PCBP2: variants seen among roughly 807,000 people sequenced by gnomAD.
PCBP2 encodes poly(rC) binding protein 2.
In PCBP2, 4 loss-of-function variants were observed where a neutral mutation model predicts 50.1. The ratio of observed to expected loss-of-function variants is 0.08; its 90% CI spans 0.04 to 0.18. The LOEUF (loss-of-function observed/expected upper bound fraction) is 0.18. Among genes scored for constraint, PCBP2 ranks in the 10% least tolerant of loss-of-function variants. The pLI, the probability that PCBP2 is intolerant of heterozygous loss-of-function variation, is 1.00. For missense variants in PCBP2, 161 were observed against 474.3 expected, an observed-to-expected ratio of 0.34 and a Z score of 6.14; for synonymous variants, 179 against 168.0, an observed-to-expected ratio of 1.07 and a Z score of -0.51.
At chr12:53,464,146 C>T (rs536991458) in intron 8 of PCBP2, among the ~76,000 whole-genome samples, 1 of 152,252 alleles carries the variant, frequency 6.6e-6, no homozygotes, top group Admixed American at 6.5e-5. Context: ...TTTTCTTTCC[C>T]AGGAACTCCA....
At position 53,480,037 on chromosome 12, in the gene PCBP2, A is replaced by G. The variant is rs1217130661; in HGVS notation, c.*595A>G. 6.6e-6 allele frequency: 1 copy of G among 152,028 alleles called. No homozygotes were observed. Among genetic ancestry groups the G allele is most frequent in the East Asian group, 1.9e-4 (1 of 5,200 alleles). The allele number at this position is 152,028 out of a possible 1,614,324, so 9.4% of individuals were successfully genotyped here. Reference sequence around the variant, plus strand: ...TTGGCCCTTATAAAACTTGTGCCCAAAAGATTGAGGATTAGACTTTCCGAG... The same window carrying G: ...TTGGCCCTTATAAAACTTGTGCCCAGAAGATTGAGGATTAGACTTTCCGAG... On this transcript the variant is annotated 3_prime_UTR_variant, in exon 15 of 15. Transcript: ENST00000546463.
At chr12:53,459,231 T>G (rs1050493852) in intron 5 of PCBP2, 41 bp from the exon 6 acceptor site, 2 of 1,534,914 alleles carry the variant, frequency 1.3e-6, no homozygotes, top group Middle Eastern at 2.3e-4. Context: ...AGTTACTAGT[T>G]TCCAGGGATC....
At chr12:53,457,937 G>A (rs1459522061) in intron 5 of PCBP2, among the ~76,000 whole-genome samples, 1 of 151,636 alleles carries the variant, frequency 6.6e-6, no homozygotes, top group Non-Finnish European at 1.5e-5. Flanking sequence ...TGTTTTTTTT[G>A]TTTGTTTTGA....
rs528808026 is a variant in PCBP2, at chr12:53,460,283, G to T, written c.376-732G>T. 1.4e-5 allele frequency: 4 copies of T among 285,120 alleles called. No individual in the cohort carries two copies. The East Asian group carries it at 4.6e-4, about 33-fold the overall frequency. The allele number at this position is 285,120 out of a possible 1,614,324, so 17.7% of individuals were successfully genotyped here. On this transcript the variant is annotated intron_variant, in intron 6 of 14. Coordinates refer to ENST00000546463, the MANE Select transcript of PCBP2 (RefSeq NM_031989.5). Reference sequence around the variant, plus strand: ...GCCTCCTGAGTACCTGGTACCATAGGCGCGCTCCACAATGCCCGGCTAATT... The same window carrying T: ...GCCTCCTGAGTACCTGGTACCATAGTCGCGCTCCACAATGCCCGGCTAATT...
At chr12:53,472,290 A>G (rs192104155) in intron 14 of PCBP2, among the ~76,000 whole-genome samples, 15 of 152,324 alleles carry the variant, frequency 9.8e-5, no homozygotes, top group East Asian at 5.8e-4. Flanking sequence ...CTCACACTGC[A>G]TGTGTGTTTT....
At chr12:53,470,378 C>CAAAAAAAA (rs754350790) in intron 13 of PCBP2, among the ~76,000 whole-genome samples, 1 of 47,366 alleles carries the variant, frequency 2.1e-5, no homozygotes. Context: ...CTCCGTCTCT[C>CAAAAAAAA]AAAAAAAAAA....
chr12:53,467,683 TTTTTTGTTTTTG>T (rs549836708), intron 11 of PCBP2, 110 bp from the exon 12 acceptor site: 2 of 829,574 alleles, frequency 2.4e-6, no homozygotes, highest in South Asian at 1.5e-5. Context: ...GTGTAGTGTT[TTTTTTGTTTTTG>T]TTTTTGTTTT....
At chr12:53,464,590 G>A (rs1941691798) in intron 8 of PCBP2, 170 bp from the exon 9 acceptor site, 6 of 892,598 alleles carry the variant, frequency 6.7e-6, no homozygotes, top group Non-Finnish European at 9.9e-6. Flanking sequence ...TCTGCCACTA[G>A]GTAACTTTTT....
chr12:53,474,544 T>C (rs1041716326), intron 14 of PCBP2, among the ~76,000 whole-genome samples: 14 of 152,262 alleles, frequency 9.2e-5, no homozygotes, highest in African/African-American at 3.1e-4. Flanking sequence ...AGTATCTTTT[T>C]CTACCCGAAA....
chr12:53,465,819 C>T, intron 9 of PCBP2, 113 bp from the exon 10 acceptor site: 1 of 796,956 alleles, frequency 1.3e-6, no homozygotes, highest in Non-Finnish European at 2.2e-6. Flanking sequence ...CTCTGGCCTC[C>T]CCCATTCTCT....
In PCBP2 at chr12:53,456,327, G is replaced by A. The variant is rs150219270; in HGVS notation, c.243+326G>A. Among the ~76,000 whole-genome samples the A allele has an allele frequency of 1.2e-4, 18 of 151,918 alleles. No individual in the cohort carries two copies. The East Asian group carries it at 3.3e-3, about 28-fold the overall frequency. On this transcript the variant is annotated intron_variant, in intron 5 of 14. Transcript: ENST00000546463. ...ACAAGAATTAGCTGGGCATGGTGGT[G>A]TGCGCCTGTAATCCCAGCTACTCAG...
chr12:53,475,197 CAG>C (rs1228246170), intron 14 of PCBP2: 2 of 456,248 alleles, frequency 4.4e-6, no homozygotes, highest in Non-Finnish European at 8.8e-6. Context: ...AGGCGAGAAA[CAG>C]AGATTCTCTC....
chr12:53,454,944 G>T, intron 2 of PCBP2, 75 bp downstream of exon 2: 1 of 1,209,294 alleles, frequency 8.3e-7, no homozygotes, highest in South Asian at 1.2e-5. Context: ...ATGCATCTTG[G>T]AGCTCATCAG....
intron 14 of PCBP2, among the ~76,000 whole-genome samples, chr12:53,478,494 A>T (rs1470312052): frequency 4.0e-5 from 6 of 151,806 alleles, no homozygotes; most frequent in Non-Finnish European, 1.5e-5. Context: ...GGTGAAACTC[A>T]GTCTCAAAAA....
At chr12:53,461,612 A>G (rs1022481018) in intron 7 of PCBP2, among the ~76,000 whole-genome samples, 2 of 152,214 alleles carry the variant, frequency 1.3e-5, no homozygotes. Flanking sequence ...CTGATTATAC[A>G]CTATTATTCT....
intron 13 of PCBP2, among the ~76,000 whole-genome samples, chr12:53,470,369 T>TC: frequency 1.1e-5 from 1 of 93,722 alleles, no homozygotes; most frequent in African/African-American, 4.2e-5. Context: ...AGACCAAGAC[T>TC]CCGTCTCTCA....
chr12:53,463,119 G>T (rs370818398), intron 8 of PCBP2, among the ~76,000 whole-genome samples: 1 of 152,170 alleles, frequency 6.6e-6, no homozygotes, highest in Non-Finnish European at 1.5e-5. Context: ...ATCAGCTGGG[G>T]TAAGAGTTCA....
chr12:53,461,630 G>T (rs917646150), intron 7 of PCBP2, among the ~76,000 whole-genome samples: 15 of 152,154 alleles, frequency 9.9e-5, no homozygotes, highest in African/African-American at 3.1e-4. Flanking sequence ...TCTATTAAAA[G>T]AATAGCAAAA....
intron 6 of PCBP2, chr12:53,460,522 G>A: frequency 4.8e-6 from 1 of 206,454 alleles, no homozygotes; most frequent in East Asian, 1.5e-4. Context: ...ACTGAATTTG[G>A]TGTTGGAATG....
Sources: allele counts gnomAD v4.1 joint callset (sites outside exome capture counted in the v4.1 genomes callset), GRCh38; gene constraint gnomAD v4.1.1; transcripts MANE v1.5; gene names NCBI Gene and HGNC (gene_info 2026-07-23, HGNC 2026-07-21).